The following MAPKAP1 variants were observed in gnomAD, a reference collection of about 807,000 sequenced individuals.
MAPKAP1 encodes target of rapamycin complex 2 subunit MAPKAP1.
A neutral mutation model predicts 65.7 loss-of-function variants in MAPKAP1; 20 were observed. The ratio of observed to expected loss-of-function variants is 0.30; its 90% CI spans 0.21 to 0.44. MAPKAP1 has a LOEUF of 0.44. MAPKAP1 is among the 20% of genes least tolerant of loss of function. MAPKAP1 has a pLI of 1.00. For synonymous variants in MAPKAP1, 222 were observed against 244.3 expected (o/e 0.91, Z 0.85); for missense variants, 423 against 648.0 (o/e 0.65, Z 3.77).
intron 3 of MAPKAP1, among the ~76,000 whole-genome samples, chr9:125,660,757 C>T (rs1016746456): frequency 6.6e-6 from 1 of 152,196 alleles, no homozygotes; most frequent in Non-Finnish European, 1.5e-5. Flanking sequence ...AGAACCGTGG[C>T]AACCGCTAGC....
At chr9:125,506,621 G>A (rs1225780821) in intron 7 of MAPKAP1, among the ~76,000 whole-genome samples, 1 of 152,198 alleles carries the variant, frequency 6.6e-6, no homozygotes, top group African/African-American at 2.4e-5. Flanking sequence ...TATCAAGTCT[G>A]TTGCCACTCA....
At chr9:125,566,575 AAAAAG>A (rs1831060180) in intron 5 of MAPKAP1, among the ~76,000 whole-genome samples, 1 of 143,310 alleles carries the variant, frequency 7.0e-6, no homozygotes, top group Non-Finnish European at 1.5e-5. Context: ...AAAGAAAAAG[AAAAAG>A]AAAAAGAAAA....
At chr9:125,686,909 C>T (rs933817462) in intron 1 of MAPKAP1, among the ~76,000 whole-genome samples, 6 of 152,006 alleles carry the variant, frequency 3.9e-5, no homozygotes, top group Non-Finnish European at 5.9e-5. Flanking sequence ...TCACTGCAAC[C>T]TCTGCCTCCC....
intron 4 of MAPKAP1, among the ~76,000 whole-genome samples, chr9:125,637,101 T>G (rs994994243): frequency 1.3e-5 from 2 of 151,964 alleles, no homozygotes; most frequent in African/African-American, 4.8e-5. Flanking sequence ...AAACCCTGTC[T>G]CTACTAAAAA....
intron 7 of MAPKAP1, among the ~76,000 whole-genome samples, chr9:125,517,404 T>C (rs533187329): frequency 6.6e-6 from 1 of 152,204 alleles, no homozygotes; most frequent in East Asian, 1.9e-4. Context: ...GGGGGTTCTT[T>C]TTCTAAGTTA....
intron 9 of MAPKAP1, among the ~76,000 whole-genome samples, chr9:125,473,392 C>A (rs1853996659): frequency 6.6e-6 from 1 of 152,180 alleles, no homozygotes; most frequent in Non-Finnish European, 1.5e-5. Context: ...CATGCTCCCA[C>A]TTCTGACAGC....
chr9:125,520,487 G>A (rs1041859949), intron 7 of MAPKAP1, among the ~76,000 whole-genome samples: 1 of 152,106 alleles, frequency 6.6e-6, no homozygotes, highest in African/African-American at 2.4e-5. Context: ...TAGTCCCTCA[G>A]TTTGGAACAA....
intron 5 of MAPKAP1, among the ~76,000 whole-genome samples, chr9:125,579,443 C>A (rs1236299378): frequency 6.6e-6 from 1 of 152,132 alleles, no homozygotes; most frequent in East Asian, 1.9e-4. Flanking sequence ...AGGTGCCTGC[C>A]ACCACCCCCG....
chr9:125,541,660 T>A (rs1341059983), intron 7 of MAPKAP1, among the ~76,000 whole-genome samples: 1 of 151,996 alleles, frequency 6.6e-6, no homozygotes, highest in Non-Finnish European at 1.5e-5. Context: ...TGCAAAGAAG[T>A]TTGACCCCCA....
chr9:125,660,828 C>A (rs1055132664), intron 3 of MAPKAP1, among the ~76,000 whole-genome samples: 9 of 152,322 alleles, frequency 5.9e-5, no homozygotes, highest in Non-Finnish European at 1.2e-4. Context: ...CCTCCTCACC[C>A]CAACCCTTGT....
intron 6 of MAPKAP1, among the ~76,000 whole-genome samples, chr9:125,545,829 C>T (rs1830405985): frequency 6.6e-6 from 1 of 152,238 alleles, no homozygotes; most frequent in South Asian, 2.1e-4. Context: ...CAGAGGAAAT[C>T]CCTGGCACTT....
chr9:125,454,430 C>G (rs900855981), intron 10 of MAPKAP1, among the ~76,000 whole-genome samples: 3 of 152,226 alleles, frequency 2.0e-5, no homozygotes, highest in Admixed American at 6.5e-5. Flanking sequence ...TCCAGAATCA[C>G]TGGAGTGGAG....
intron 9 of MAPKAP1, chr9:125,470,940 A>C (rs1853893688): frequency 6.6e-6 from 1 of 152,182 alleles, no homozygotes; most frequent in African/African-American, 2.4e-5. Context: ...TTTAGTTTTA[A>C]GTTTCTCTGC....
At chr9:125,653,100 T>C (rs1182951129) in intron 4 of MAPKAP1, among the ~76,000 whole-genome samples, 1 of 152,232 alleles carries the variant, frequency 6.6e-6, no homozygotes, top group Non-Finnish European at 1.5e-5. Context: ...CACATCCTGC[T>C]CATTTCATCC....
In MAPKAP1 at chr9:125,488,739, A is replaced by G. The variant is rs145979246; in HGVS notation, c.1067-4156T>C. Reference sequence around the variant, plus strand: ...CAATGGTGCAACCACTTCTCTGCCCATGCTAGCAGTATGCTAGACGGTGGG... The same window carrying G: ...CAATGGTGCAACCACTTCTCTGCCCGTGCTAGCAGTATGCTAGACGGTGGG... On this transcript the variant is annotated intron_variant, in intron 8 of 11. Coordinates refer to ENST00000265960, the MANE Select transcript of MAPKAP1 (RefSeq NM_001006617.3). 4.8e-3 allele frequency among the ~76,000 whole-genome samples: 726 copies of G among 152,326 alleles called. 5 individuals are homozygous for G. The highest frequency in any genetic ancestry group is 0.016 in the African/African-American group (667 of 41,582).
chr9:125,685,491 C>G (rs1834948642), intron 1 of MAPKAP1, among the ~76,000 whole-genome samples: 2 of 152,200 alleles, frequency 1.3e-5, no homozygotes, highest in Non-Finnish European at 2.9e-5. Flanking sequence ...TAGGGCCTTA[C>G]AGGCCATCCC....
At chr9:125,554,045 A>AG (rs926439349) in intron 6 of MAPKAP1, among the ~76,000 whole-genome samples, 2 of 152,154 alleles carry the variant, frequency 1.3e-5, no homozygotes, top group African/African-American at 4.8e-5. Context: ...TCAAAAAAAA[A>AG]GTTTGCCAAC....
intron 5 of MAPKAP1, among the ~76,000 whole-genome samples, chr9:125,574,151 T>C (rs1831323107): frequency 6.6e-6 from 1 of 152,216 alleles, no homozygotes; most frequent in Admixed American, 6.5e-5. Context: ...CCCAACAAAC[T>C]GTGCATTTTT....
In MAPKAP1 at chr9:125,447,329, T is replaced by C. The variant is rs370834683; in HGVS notation, c.1346-2731A>G. On this transcript the variant is annotated intron_variant, in intron 10 of 11. Coordinates refer to ENST00000265960, the MANE Select transcript of MAPKAP1 (RefSeq NM_001006617.3). The surrounding 1 kb of genome is among the most constrained non-coding windows in gnomAD (Gnocchi z 4.5). ...CTTTCCAGTGAAAGCACTCACGCCA[T>C]AGGAGAGGGGAACAGAGGGCAGAGA... 40 of 451,438 alleles carry C rather than the reference T, an allele frequency of 8.9e-5. No homozygotes were observed. In the East Asian group the frequency reaches 1.5e-3, roughly 17 times the overall value. 28.0% of individuals were successfully genotyped at this position (451,438 alleles called of 1,614,324 possible). A position where few individuals can be genotyped will look rare whatever the true frequency, so the allele number is the denominator to read the frequency against.
Sources: allele counts gnomAD v4.1 joint callset (sites outside exome capture counted in the v4.1 genomes callset), GRCh38; gene constraint gnomAD v4.1.1; non-coding constraint Gnocchi (gnomAD v3.1); transcripts MANE v1.5; gene names NCBI Gene and HGNC (gene_info 2026-07-23, HGNC 2026-07-21).